COG6: variants seen among roughly 807,000 people sequenced by gnomAD.
COG6 encodes the protein component of oligomeric golgi complex 6.
COG6 carries 74 observed loss-of-function variants against 88.8 expected under a neutral mutation model. The ratio of observed to expected loss-of-function variants is 0.83; its 90% CI spans 0.69 to 1.01. COG6 has a LOEUF of 1.01. Ranked by LOEUF, COG6 falls within the 50% of genes least tolerant of loss-of-function variation. COG6 has a pLI of 0.00. For synonymous variants in COG6, 286 were observed against 278.7 expected, an observed-to-expected ratio of 1.03 and a Z score of -0.26; for missense variants, 800 against 797.9, an observed-to-expected ratio of 1.00 and a Z score of -0.03.
intron 4 of COG6, among the ~76,000 whole-genome samples, chr13:39,667,086 T>G (rs573082483): frequency 6.6e-6 from 1 of 152,270 alleles, no homozygotes; most frequent in East Asian, 1.9e-4. Context: ...TTTTACTTGT[T>G]TAATATATTA....
At chr13:39,709,654 G>A (rs1159357919) in intron 13 of COG6, among the ~76,000 whole-genome samples, 2 of 152,074 alleles carry the variant, frequency 1.3e-5, no homozygotes, top group African/African-American at 4.8e-5. Flanking sequence ...TGGTGTGAGT[G>A]TATGTGTATA....
At chr13:39,686,887 G>C (rs1374479836) in intron 8 of COG6, among the ~76,000 whole-genome samples, 2 of 151,730 alleles carry the variant, frequency 1.3e-5, no homozygotes, top group Admixed American at 1.3e-4. Flanking sequence ...GCACCACCAT[G>C]CCTGGCTATT....
At chr13:39,712,111 C>T (rs966534303) in intron 13 of COG6, among the ~76,000 whole-genome samples, 8 of 152,168 alleles carry the variant, frequency 5.3e-5, no homozygotes, top group Non-Finnish European at 1.0e-4. Flanking sequence ...CTGCCCGCCT[C>T]GGCCTCCCAG....
At chr13:39,707,893 C>T (rs1202817625) in intron 13 of COG6, among the ~76,000 whole-genome samples, 1 of 151,896 alleles carries the variant, frequency 6.6e-6, no homozygotes, top group Non-Finnish European at 1.5e-5. Flanking sequence ...TTTTATTTCT[C>T]TTGTATGTAT....
chr13:39,712,079 C>T (rs940150375), intron 13 of COG6, among the ~76,000 whole-genome samples: 3 of 152,124 alleles, frequency 2.0e-5, no homozygotes, highest in Admixed American at 6.5e-5. Context: ...AGGTTGGTCT[C>T]GAACTCCTGA....
At chr13:39,673,372 C>A (rs1435000831) in intron 4 of COG6, among the ~76,000 whole-genome samples, 2 of 151,912 alleles carry the variant, frequency 1.3e-5, no homozygotes, top group Non-Finnish European at 2.9e-5. Context: ...TGGCATGGTA[C>A]TGGAAATGCT....
At chr13:39,765,741 A>G (rs904471335) in intron 18 of COG6, among the ~76,000 whole-genome samples, 1 of 152,168 alleles carries the variant, frequency 6.6e-6, no homozygotes, top group Non-Finnish European at 1.5e-5. Context: ...ACTTAATGTA[A>G]AACTCTGAGT....
At chr13:39,683,433 G>C (rs1410271578) in intron 8 of COG6, among the ~76,000 whole-genome samples, 1 of 152,112 alleles carries the variant, frequency 6.6e-6, no homozygotes, top group African/African-American at 2.4e-5. Context: ...GTAATGCAAA[G>C]ATATACATTG....
At chr13:39,691,828 A>C (rs935766915) in intron 11 of COG6, among the ~76,000 whole-genome samples, 2 of 151,950 alleles carry the variant, frequency 1.3e-5, no homozygotes, top group Non-Finnish European at 2.9e-5. Context: ...AATCCCACTC[A>C]TACAAAATTT....
At position 39,774,862 on chromosome 13, in the gene COG6, C is replaced by T. The variant is rs536009362; in HGVS notation, c.1827-13473C>T. ...TGCTGGGATTACAGGTGTGAGCCAC[C>T]GCGCCTGGCTGGAAAAAAATTTCAA... is the stretch of plus-strand genomic sequence containing the variant. On this transcript the variant is annotated intron_variant, in intron 18 of 18. Coordinates refer to the COG6 transcript ENST00000416691. 3.3e-5 allele frequency among the ~76,000 whole-genome samples: 5 copies of T among 152,198 alleles called. No homozygotes were observed. In the Middle Eastern group the frequency reaches 0.01, roughly 311 times the overall value.
chr13:39,739,121 G>A (rs1156953232), intron 18 of COG6, among the ~76,000 whole-genome samples: 4 of 151,928 alleles, frequency 2.6e-5, no homozygotes, highest in Non-Finnish European at 5.9e-5. Flanking sequence ...ATGTAAGAAT[G>A]AGCAAAAAAG....
Position 39,672,030 on chromosome 13 carries a change from A to G in COG6, c.429-5438A>G, listed in dbSNP as rs117455924. On this transcript the variant is annotated intron_variant, in intron 4 of 18. Coordinates refer to ENST00000455146, the MANE Select transcript of COG6 (RefSeq NM_020751.3). ...TCTACACAGAAAACTTTTCAACTGA[A>G]TATGTCTACATGGTTACTTTAACAT... 4.7e-4 allele frequency among the ~76,000 whole-genome samples: 71 copies of G among 152,094 alleles called. No homozygotes were observed. The East Asian group carries it at 0.013, about 27-fold the overall frequency.
intron 18 of COG6, among the ~76,000 whole-genome samples, chr13:39,747,040 C>T (rs1880386894): frequency 1.3e-5 from 2 of 151,978 alleles, no homozygotes; most frequent in South Asian, 4.1e-4. Context: ...AAAGATTAAC[C>T]AGTTCAATAT....
chr13:39,690,602 C>G (rs1225501451), intron 11 of COG6, among the ~76,000 whole-genome samples: 1 of 151,768 alleles, frequency 6.6e-6, no homozygotes, highest in African/African-American at 2.4e-5. Flanking sequence ...AAATTGAAAT[C>G]CAGAAGTTTA....
chr13:39,746,233 TAAA>T (rs79814174), intron 18 of COG6, among the ~76,000 whole-genome samples: 61 of 142,668 alleles, frequency 4.3e-4, no homozygotes, highest in African/African-American at 1.6e-3. Context: ...AAAGTATCAT[TAAA>T]AAAAAAAAAA....
intron 17 of COG6, among the ~76,000 whole-genome samples, chr13:39,726,567 G>T (rs1214416210): frequency 1.3e-5 from 2 of 151,764 alleles, no homozygotes. Flanking sequence ...GTACCTAATT[G>T]GTGTCTTTGT....
chr13:39,716,365 A>G (rs1349550194), intron 13 of COG6, among the ~76,000 whole-genome samples: 1 of 152,110 alleles, frequency 6.6e-6, no homozygotes, highest in Non-Finnish European at 1.5e-5. Flanking sequence ...ATATCCTTGT[A>G]CATCTAATTT....
At chr13:39,688,776 ATCT>A (rs1055865029) in intron 10 of COG6, among the ~76,000 whole-genome samples, 22 of 152,200 alleles carry the variant, frequency 1.4e-4, no homozygotes, top group Non-Finnish European at 3.1e-4. Context: ...AGAATTCCAA[ATCT>A]TCTTAGTTGT....
At chr13:39,790,706 A>T (rs1275879923) in exon 19 of COG6, 1 of 152,104 alleles carries the variant, frequency 6.6e-6, no homozygotes, top group African/African-American at 2.4e-5. Flanking sequence ...TCTTTATAAT[A>T]TTGAATCTTC....
Sources: gnomAD v4.1 joint callset for allele counts (sites outside exome capture counted in the v4.1 genomes callset) on GRCh38, gnomAD v4.1.1 for gene constraint, MANE v1.5 for transcripts, NCBI Gene and HGNC (gene_info 2026-07-23, HGNC 2026-07-21) for gene names.